Variants in SLC4A2 observed in about 807,000 individuals in gnomAD.
SLC4A2 encodes solute carrier family 4 member 2, also known as anion exchange protein 2.
In SLC4A2, 36 loss-of-function variants were observed where a neutral mutation model predicts 115.0. That is an observed-to-expected ratio of 0.31 (90% confidence interval 0.24 to 0.41). The LOEUF is 0.41. Among genes scored for constraint, SLC4A2 ranks in the 10% least tolerant of loss-of-function variants. The pLI is 1.00. For synonymous variants in SLC4A2, 708 were observed against 708.3 expected (o/e 1.00, Z 0.01); for missense variants, 1,252 against 1,705.6 (o/e 0.73, Z 4.68).
chr7:151,074,608 C>G (rs1797553135), intron 18 of SLC4A2, 67 bp from the exon 19 acceptor site: 6 of 1,564,760 alleles, frequency 3.8e-6, no homozygotes, highest in South Asian at 2.3e-5. Context: ...AAGATGCCAT[C>G]CCCTTTCCAT....
In SLC4A2 at chr7:151,071,095, G is replaced by A; in HGVS notation, c.1773G>A (p.Leu591=). ...SDKQFHEAAY[L]ADEREDLLTA... ...AGCAATTCCACGAGGCAGCCTACCT[G>A]GCTGACGAGCGGGAGGACCTGCTGA... is the stretch of plus-strand genomic sequence containing the variant. Residue 591 remains leucine (L), a synonymous_variant, in exon 13 of 23, where the codon CTG becomes CTA. Transcript: ENST00000413384. The surrounding 1 kb of genome is among the most constrained non-coding windows in gnomAD (Gnocchi z 5.5). 1 of 1,612,638 alleles carries A rather than the reference G, an allele frequency of 6.2e-7. No individual in the cohort carries two copies. The highest frequency in any genetic ancestry group is 8.5e-7 in the Non-Finnish European group (1 of 1,180,006).
intron 2 of SLC4A2, among the ~76,000 whole-genome samples, chr7:151,063,500 C>A (rs547873300): frequency 6.6e-6 from 1 of 152,216 alleles, no homozygotes; most frequent in South Asian, 2.1e-4. Context: ...ATTTCTTCCA[C>A]CTGCCCTGAA....
rs1309608807 is a variant in SLC4A2 at position 151,071,057 on chromosome 7, A to G, written c.1750-15A>G. ...CTTCTTTGTGCTCTCCCCCATCCCC[A>G]TGCTGCTTTGGCAGCAATTCCACGA... On this transcript the variant is annotated splice_polypyrimidine_tract_variant and intron_variant, in intron 12 of 22. Transcript: ENST00000413384. This position sits in a 1 kb window ranked among gnomAD's most constrained non-coding sequence, Gnocchi z 5.5. 1.9e-6 allele frequency: 3 copies of G among 1,611,576 alleles called. No homozygotes were observed. Among genetic ancestry groups the G allele is most frequent in the South Asian group, 1.1e-5 (1 of 90,994 alleles).
At chr7:151,073,886 T>C in intron 16 of SLC4A2, 153 bp from the exon 17 acceptor site, 1 of 806,920 alleles carries the variant, frequency 1.2e-6, no homozygotes, top group Non-Finnish European at 1.9e-6. Flanking sequence ...TCACAGCTGG[T>C]TCTCTGGGTC....
Position 151,074,119 on chromosome 7 carries a change from C to G in SLC4A2, c.2616C>G (p.Ala872=). The change falls in exon 17 of 23, where the codon GCC becomes GCG. Residue 872 remains alanine (A), a synonymous_variant. Coordinates refer to ENST00000413384, the MANE Select transcript of SLC4A2 (RefSeq NM_003040.4). ...EVDGGENMTW[A]GARPTLGPGN... Reference sequence around the variant, plus strand: ...ACGGCGGTGAGAACATGACATGGGCCGGGGCAAGACCCACGCTGGGGCCGG... The same window carrying G: ...ACGGCGGTGAGAACATGACATGGGCGGGGGCAAGACCCACGCTGGGGCCGG... The G allele has an allele frequency of 6.2e-7, 1 of 1,612,004 alleles. No individual in the cohort carries two copies. Among genetic ancestry groups the G allele is most frequent in the Non-Finnish European group, 8.5e-7 (1 of 1,179,596 alleles).
chr7:151,068,830 TTA>T (rs1797324620), intron 8 of SLC4A2, among the ~76,000 whole-genome samples: 1 of 146,524 alleles, frequency 6.8e-6, no homozygotes, highest in Non-Finnish European at 1.5e-5. Context: ...TAAAATTAAA[TTA>T]AAAAAAAAAA....
In SLC4A2 at chr7:151,063,125, C is replaced by G; in HGVS notation, c.52-1077C>G. 3.3e-6 allele frequency: 5 copies of G among 1,522,882 alleles called. No individual in the cohort carries two copies. The South Asian group carries it at 3.6e-5, about 11-fold the overall frequency. 94.3% of individuals were successfully genotyped at this position (1,522,882 alleles called of 1,614,324 possible). On this transcript the variant is annotated intron_variant, in intron 2 of 22. Coordinates refer to ENST00000413384, the MANE Select transcript of SLC4A2 (RefSeq NM_003040.4). The stretch of plus-strand genomic sequence containing the variant: ...GCCGCTTAGCTGGGCTGAGCTCTTA[C>G]AAGCGCCGCATTCCCTGCCGGCTGT...
At chr7:151,064,107 A>G (rs1797144954) in intron 2 of SLC4A2, 95 bp from the exon 3 acceptor site, 13 of 1,273,646 alleles carry the variant, frequency 1.0e-5, no homozygotes, top group Non-Finnish European at 1.4e-5. Flanking sequence ...CTGGCGGGGG[A>G]GGGTTCCTGG....
Position 151,064,267 on chromosome 7 carries a change from C to G in SLC4A2, c.117C>G (p.His39Gln). ...GFPEQEEDEL[H>Q]RTLGVERFEE... The stretch of plus-strand genomic sequence containing the variant: ...CCGAGCAGGAGGAAGACGAACTTCA[C>G]CGCACCCTGGGCGTGGAGCGGTTTG... The change falls in exon 3 of 23, where the codon CAC (histidine) becomes CAG (glutamine). Residue 39 changes from histidine (H) to glutamine (Q), a missense_variant. His to Gln is a conservative substitution (Grantham distance 24). This residue lies in a region of SLC4A2 where 74 missense variants were observed against 85.3 expected (regional missense o/e 0.87). Transcript: ENST00000413384. 1 of 1,612,548 alleles carries G rather than the reference C, an allele frequency of 6.2e-7. No homozygotes were observed. Among genetic ancestry groups the G allele is most frequent in the Non-Finnish European group, 8.5e-7 (1 of 1,179,950 alleles).
chr7:151,064,934 G>A lies in SLC4A2; in HGVS notation c.546G>A (p.Ala182=), dbSNP rs1254713948. ...SSPAPLPHQE[A]TPRASKGAQA... ...CTGCACCACTGCCCCACCAGGAGGC[G>A]ACTCCTCGGGCCTCCAAAGGGGCCC... Residue 182 remains alanine (A), a synonymous_variant, in exon 5 of 23, where the codon GCG becomes GCA. Transcript: ENST00000413384. The A allele has an allele frequency of 3.1e-6, 5 of 1,613,588 alleles. No homozygotes were observed. The highest frequency in any genetic ancestry group is 3.4e-6 in the Non-Finnish European group (4 of 1,179,866).
chr7:151,072,088 C>T lies in SLC4A2; in HGVS notation c.2487C>T (p.Phe829=). ...GCTTCACCCAGGAGATCTTCGCCTT[C>T]TTGATCTCACTCATCTTCATCTATG... ...VSRFTQEIFA[F]LISLIFIYET... Residue 829 remains phenylalanine, a synonymous_variant, in exon 16 of 23, where the codon TTC becomes TTT. Transcript: ENST00000413384. 2 of 1,614,146 alleles carry T rather than the reference C, an allele frequency of 1.2e-6. No homozygotes were observed. Among genetic ancestry groups the T allele is most frequent in the Non-Finnish European group, 1.7e-6 (2 of 1,180,014 alleles).
Position 151,074,437 on chromosome 7 carries a change from C to T in SLC4A2, c.2829C>T (p.Ala943=). ...RVIGDFGVPI[A]ILIMVLVDYS... is the part of the protein sequence containing the mutation. ...TTGGGGACTTTGGGGTGCCCATCGCCATCCTCATCATGGTGCTTGTGGATT... is the reference window on the plus strand; with the variant it reads ...TTGGGGACTTTGGGGTGCCCATCGCTATCCTCATCATGGTGCTTGTGGATT... The change falls in exon 18 of 23, where the codon GCC becomes GCT. Residue 943 remains alanine (A), a synonymous_variant. Coordinates refer to ENST00000413384, the MANE Select transcript of SLC4A2 (RefSeq NM_003040.4). 1 of 1,614,064 alleles carries T rather than the reference C, an allele frequency of 6.2e-7. No homozygotes were observed. Among genetic ancestry groups the T allele is most frequent in the South Asian group, 1.1e-5 (1 of 91,084 alleles).
In SLC4A2 at chr7:151,069,911, T is replaced by C. The variant is rs763184082; in HGVS notation, c.1148-36T>C. 6.2e-6 allele frequency: 10 copies of C among 1,612,874 alleles called. No homozygotes were observed. The Admixed American group carries it at 8.3e-5, about 13-fold the overall frequency. Reference sequence around the variant, plus strand: ...CATCTCCTGCCACTGTTTTGTGACCTGGGGCTGAGGGGCCCTCTGTGCCAT... The same window carrying C: ...CATCTCCTGCCACTGTTTTGTGACCCGGGGCTGAGGGGCCCTCTGTGCCAT... On this transcript the variant is annotated intron_variant, in intron 8 of 22. Transcript: ENST00000413384.
intron 19 of SLC4A2, 58 bp from the exon 20 acceptor site, chr7:151,075,197 C>T: frequency 6.2e-7 from 1 of 1,602,226 alleles, no homozygotes; most frequent in South Asian, 1.1e-5. Flanking sequence ...TGGAAAGACC[C>T]TGTGGTCTGC....
In SLC4A2 at chr7:151,070,775, G is replaced by A. The variant is rs138941705; in HGVS notation, c.1613G>A (p.Arg538Gln). Residue 538 changes from arginine (R) to glutamine (Q), a missense_variant, in exon 12 of 23, where the codon CGG (arginine) becomes CAG (glutamine). Coordinates refer to ENST00000413384, the MANE Select transcript of SLC4A2 (RefSeq NM_003040.4). ...SRPTMAFVRL[R>Q]EAVELDAVLE... The stretch of plus-strand genomic sequence containing the variant: ...CCCACCATGGCCTTTGTGCGGCTCC[G>A]GGAGGCTGTGGAGTTGGACGCAGTG... 3.1e-5 allele frequency: 50 copies of A among 1,613,844 alleles called. No individual in the cohort carries two copies. The highest frequency in any genetic ancestry group is 2.9e-4 in the African/African-American group (22 of 74,910).
intron 20 of SLC4A2, 49 bp downstream of exon 20, chr7:151,075,557 T>C: frequency 1.9e-6 from 3 of 1,589,288 alleles, no homozygotes; most frequent in Non-Finnish European, 1.7e-6. Flanking sequence ...CCAGGGCTAC[T>C]GGGGCCAGGG....
intron 11 of SLC4A2, 50 bp downstream of exon 11, chr7:151,070,621 CAG>C (rs1352728539): frequency 6.3e-7 from 1 of 1,599,248 alleles, no homozygotes; most frequent in Non-Finnish European, 8.6e-7. Context: ...GGCCTTGAGG[CAG>C]AGTCCTGTAG....
In SLC4A2 at chr7:151,064,673, A is replaced by T. The variant is rs1063531; in HGVS notation, c.365A>T (p.Glu122Val). 9 of 1,613,574 alleles carry T rather than the reference A, an allele frequency of 5.6e-6. No individual in the cohort carries two copies. In the East Asian group the frequency reaches 1.8e-4, roughly 32 times the overall value. Residue 122 changes from glutamate (E) to valine (V), a missense_variant, in exon 4 of 23, where the codon GAG (glutamate) becomes GTG (valine). This residue lies in a region of SLC4A2 where 215 missense variants were observed against 205.2 expected (regional missense o/e 1.05). Transcript: ENST00000413384. ...CCGACTGGAGAAACCCCGACCATTG[A>T]GGAGGGGGAGGAAGATGAGGATGAG... ...ASPTGETPTI[E>V]EGEEDEDEAS...
chr7:151,070,962 C>G, intron 12 of SLC4A2, 51 bp downstream of exon 12: 2 of 1,598,076 alleles, frequency 1.3e-6, no homozygotes, highest in South Asian at 2.2e-5. Flanking sequence ...CATCCTAGGC[C>G]AGTCTTGATC....
Sources: allele counts gnomAD v4.1 joint callset (sites outside exome capture counted in the v4.1 genomes callset), GRCh38; gene constraint gnomAD v4.1.1; regional missense constraint gnomAD v4.1.1; non-coding constraint Gnocchi (gnomAD v3.1); transcripts MANE v1.5; gene names NCBI Gene and HGNC (gene_info 2026-07-23, HGNC 2026-07-21).